The following NCOR2 variants were observed in gnomAD, a reference collection of about 807,000 sequenced individuals.
The protein encoded by NCOR2 is nuclear receptor corepressor 2, also known as CTG repeat protein 26.
In NCOR2, 81 loss-of-function variants were observed where a neutral mutation model predicts 262.9. That is an observed-to-expected ratio of 0.31 (90% CI 0.26 to 0.37). NCOR2 has a LOEUF of 0.37. Ranked by LOEUF, NCOR2 falls within the 10% of genes least tolerant of loss-of-function variation. The pLI, the probability that NCOR2 is intolerant of heterozygous loss-of-function variation, is 1.00. For synonymous variants in NCOR2, 1,659 were observed against 1,559.3 expected, an observed-to-expected ratio of 1.06 and a Z score of -1.51; for missense variants, 3,385 against 3,621.4, an observed-to-expected ratio of 0.93 and a Z score of 1.68.
chr12:124,346,747 G>A (rs1386569133), exon 31 of NCOR2: 2 of 1,559,268 alleles, frequency 1.3e-6, no homozygotes, highest in African/African-American at 2.7e-5. Flanking sequence ...CCTCGGTCAG[G>A]TCCCGTGAGG....
Position 124,503,239 on chromosome 12 carries a change from C to A in NCOR2, c.-117-7871G>T, listed in dbSNP as rs534724143. On this transcript the variant is annotated intron_variant, in intron 1 of 46. Coordinates refer to the NCOR2 transcript ENST00000404621. The surrounding 1 kb of genome is among the most constrained non-coding windows in gnomAD (Gnocchi z 4.3). ...CAGCTACAGCAGTGACCAAGTCAGA[C>A]AAAAGGCAAAAGGCCCTGCTGACCA... Among the ~76,000 whole-genome samples, 2 of 152,374 alleles carry A rather than the reference C, an allele frequency of 1.3e-5. No homozygotes were observed. Among genetic ancestry groups the A allele is most frequent in the South Asian group, 4.1e-4 (2 of 4,832 alleles).
At position 124,558,790 on chromosome 12, in the gene NCOR2, T is replaced by C. The variant is rs1316210093; in HGVS notation, c.-165+8518A>G. Among the ~76,000 whole-genome samples, 3 of 151,960 alleles carry C rather than the reference T, an allele frequency of 2.0e-5. No homozygotes were observed. The East Asian group carries it at 5.8e-4, about 29-fold the overall frequency. ...GCTACGACACGGTCTGCAGGGACAATTGCACCCCAACGGGCCCCTGAATGC... is the reference window on the plus strand; with the variant it reads ...GCTACGACACGGTCTGCAGGGACAACTGCACCCCAACGGGCCCCTGAATGC... On this transcript the variant is annotated intron_variant, in intron 1 of 32. Coordinates refer to the NCOR2 transcript ENST00000458234.
At chr12:124,462,226 A>G (rs2136603292) in intron 5 of NCOR2, among the ~76,000 whole-genome samples, 1 of 152,340 alleles carries the variant, frequency 6.6e-6, no homozygotes, top group African/African-American at 2.4e-5. Context: ...TAGAGCACAG[A>G]AACAGACCTG....
At chr12:124,518,529 C>T (rs2049971922) in intron 1 of NCOR2, among the ~76,000 whole-genome samples, 1 of 152,234 alleles carries the variant, frequency 6.6e-6, no homozygotes, top group African/African-American at 2.4e-5. Context: ...GTGAACGAGA[C>T]GTCGGGCCTC....
chr12:124,458,400 C>T (rs1229084528), intron 5 of NCOR2, among the ~76,000 whole-genome samples: 2 of 152,196 alleles, frequency 1.3e-5, no homozygotes, highest in Admixed American at 6.5e-5. Flanking sequence ...TGGGCTCAAG[C>T]TGGAACCTAG....
chr12:124,378,162 T>A lies in NCOR2; in HGVS notation c.2167+75A>T. On this transcript the variant is annotated intron_variant, in intron 18 of 46. Transcript: ENST00000405201. The surrounding 1 kb of genome is among the most constrained non-coding windows in gnomAD (Gnocchi z 4.2). Reference sequence around the variant, plus strand: ...CTCAGGGGAGAGGAGGCTGCCGGGATCAGTTCCCGCTATGCCCTCCCTCAG... The same window carrying A: ...CTCAGGGGAGAGGAGGCTGCCGGGAACAGTTCCCGCTATGCCCTCCCTCAG... 6.4e-7 allele frequency: 1 copy of A among 1,555,570 alleles called. No individual in the cohort carries two copies. The highest frequency in any genetic ancestry group is 8.7e-7 in the Non-Finnish European group (1 of 1,149,966).
exon 9 of NCOR2, chr12:124,430,757 G>C: frequency 6.2e-7 from 1 of 1,613,520 alleles, no homozygotes; most frequent in Non-Finnish European, 8.5e-7. Context: ...GCCTCCATGA[G>C]CTGGTCATAG....
chr12:124,560,984 ATAAGTATGATCCCAC>A (rs2052050653), intron 1 of NCOR2, among the ~76,000 whole-genome samples: 1 of 152,252 alleles, frequency 6.6e-6, no homozygotes, highest in African/African-American at 2.4e-5. Flanking sequence ...TCATAACAAA[ATAAGTATGATCCCAC>A]TTAGAGAAAG....
chr12:124,383,693 C>G (rs990460269), intron 17 of NCOR2, among the ~76,000 whole-genome samples: 1 of 152,226 alleles, frequency 6.6e-6, no homozygotes, highest in Non-Finnish European at 1.5e-5. Context: ...GGTAATCACT[C>G]GTTCACTCCT....
exon 46 of NCOR2, chr12:124,326,358 T>A: frequency 6.7e-7 from 1 of 1,495,564 alleles, no homozygotes. Flanking sequence ...GACCTTGGCC[T>A]TCCCGCCGCC....
At position 124,414,111 on chromosome 12, in the gene NCOR2, C is replaced by T. The variant is rs558974566; in HGVS notation, c.1482+5846G>A. ...CAGACCACAGGAGAGGCCTGTCCTACCTGGCGGATCAGGGCTGGCTTCCAG... is the reference window on the plus strand; with the variant it reads ...CAGACCACAGGAGAGGCCTGTCCTATCTGGCGGATCAGGGCTGGCTTCCAG... On this transcript the variant is annotated intron_variant, in intron 13 of 46. Transcript: ENST00000405201. 2.6e-5 allele frequency among the ~76,000 whole-genome samples: 4 copies of T among 152,352 alleles called. No individual in the cohort carries two copies. In the East Asian group the frequency reaches 7.7e-4, roughly 29 times the overall value.
At chr12:124,337,255 T>C (rs2035971152) in intron 37 of NCOR2, 75 bp from the exon 40 acceptor site, 2 of 1,483,756 alleles carry the variant, frequency 1.3e-6, no homozygotes, top group South Asian at 1.2e-5. Context: ...TGAGTCCCCA[T>C]TGCCCTGGGA....
Position 124,370,353 on chromosome 12 carries a change from T to C in NCOR2, c.2807+1669A>G, listed in dbSNP as rs115091935. Among the ~76,000 whole-genome samples, 915 of 152,300 alleles carry C rather than the reference T, an allele frequency of 6.0e-3. 10 individuals are homozygous for C. Among genetic ancestry groups the C allele is most frequent in the African/African-American group, 0.021 (872 of 41,576 alleles). On this transcript the variant is annotated intron_variant, in intron 20 of 46. Coordinates refer to ENST00000405201, the Ensembl canonical transcript of NCOR2. ...CTGAGATTTTGTTTTGTGGAACCTA[T>C]AGAGATCCGGGTGAACCTCAGTTCC... is the stretch of plus-strand genomic sequence containing the variant.
At chr12:124,552,408 A>C (rs1475054507) in intron 1 of NCOR2, among the ~76,000 whole-genome samples, 2 of 152,034 alleles carry the variant, frequency 1.3e-5, no homozygotes, top group African/African-American at 4.8e-5. Flanking sequence ...TTTGCTTTTC[A>C]CTAGCACAGC....
At chr12:124,376,034 C>T (rs1234687450) in intron 18 of NCOR2, among the ~76,000 whole-genome samples, 1 of 152,180 alleles carries the variant, frequency 6.6e-6, no homozygotes, top group Non-Finnish European at 1.5e-5. Context: ...CGGCAGACCC[C>T]GAGCCTACCG....
At chr12:124,451,819 C>T (rs968509041) in intron 6 of NCOR2, among the ~76,000 whole-genome samples, 2 of 152,146 alleles carry the variant, frequency 1.3e-5, no homozygotes, top group African/African-American at 4.8e-5. Context: ...CTGATGACGC[C>T]GGCAGAGTGG....
chr12:124,566,941 G>C lies in NCOR2; in HGVS notation c.-165+367C>G, dbSNP rs1028373441. Among the ~76,000 whole-genome samples the C allele has an allele frequency of 1.3e-5, 2 of 152,180 alleles. No individual in the cohort carries two copies. The highest frequency in any genetic ancestry group is 2.9e-5 in the Non-Finnish European group (2 of 68,004). ...AATAAGGCGCAGTGTCGCCCCGCCAGGTCCGGGGCTACACCGGGTACAAGG... is the reference window on the plus strand; with the variant it reads ...AATAAGGCGCAGTGTCGCCCCGCCACGTCCGGGGCTACACCGGGTACAAGG... On this transcript the variant is annotated intron_variant, in intron 1 of 32. Coordinates refer to the NCOR2 transcript ENST00000458234. This position sits in a 1 kb window ranked among gnomAD's most constrained non-coding sequence, Gnocchi z 4.3.
At chr12:124,539,552 G>A (rs11615887), upstream of NCOR2, 14,404 of 152,392 alleles carry the variant, frequency 0.095, 871 homozygotes, top group East Asian at 0.27. The surrounding 1 kb of genome is among the most constrained non-coding windows in gnomAD (Gnocchi z 5.1). Context: ...AAGAAGGGCC[G>A]GGCCTCCATC....
In NCOR2 at chr12:124,388,889, G is replaced by C. The variant is rs1261011723; in HGVS notation, c.1877-3002C>G. ...GTGAGGGAGGGAGGGAGGGAGGGAG[G>C]GAGGGAGCGAGGGAGGGAGGGACGC... is the stretch of plus-strand genomic sequence containing the variant. On this transcript the variant is annotated intron_variant, in intron 16 of 46. Coordinates refer to ENST00000405201, the Ensembl canonical transcript of NCOR2. 88 of 706,702 alleles carry C rather than the reference G, an allele frequency of 1.2e-4. 5 individuals are homozygous for C. Among genetic ancestry groups the C allele is most frequent in the Admixed American group, 2.2e-4 (6 of 26,858 alleles). The allele number at this position is 706,702 out of a possible 1,614,324, so 43.8% of individuals were successfully genotyped here. A position where few individuals can be genotyped will look rare whatever the true frequency, so the allele number is the denominator to read the frequency against.
Sources: allele counts gnomAD v4.1 joint callset (sites outside exome capture counted in the v4.1 genomes callset), GRCh38; gene constraint gnomAD v4.1.1; non-coding constraint Gnocchi (gnomAD v3.1); transcripts MANE v1.5; gene names NCBI Gene and HGNC (gene_info 2026-07-23, HGNC 2026-07-21).